The following STK38L variants were observed in gnomAD, a reference collection of about 807,000 sequenced individuals.
The protein encoded by STK38L is serine/threonine-protein kinase 38-like.
In STK38L, 28 loss-of-function variants were observed where a neutral mutation model predicts 59.7. That is an observed-to-expected ratio of 0.47 (90% CI 0.35 to 0.64). The LOEUF is 0.64. Ranked by LOEUF, STK38L falls within the 30% of genes least tolerant of loss-of-function variation. The pLI, the probability that STK38L is intolerant of heterozygous loss-of-function variation, is 0.01. For missense variants in STK38L, 314 were observed against 555.8 expected (o/e 0.56, Z 4.37); for synonymous variants, 162 against 176.8 (o/e 0.92, Z 0.66).
intron 1 of STK38L, chr12:27,293,660 A>G (rs186508814): frequency 2.6e-5 from 4 of 152,416 alleles, no homozygotes; most frequent in Non-Finnish European, 4.4e-5. Flanking sequence ...CCCTTGGCAG[A>G]CAGTCAGCTC....
intron 9 of STK38L, 63 bp downstream of exon 9, chr12:27,315,413 C>G: frequency 7.5e-7 from 1 of 1,326,028 alleles, no homozygotes; most frequent in Non-Finnish European, 1.1e-6. Flanking sequence ...CTGGTTTTAA[C>G]TTGATTATTT....
intron 1 of STK38L, among the ~76,000 whole-genome samples, chr12:27,265,669 C>T (rs1481292221): frequency 6.6e-6 from 1 of 152,096 alleles, no homozygotes; most frequent in Admixed American, 6.5e-5. Context: ...TTCTGATTGC[C>T]TGTGTATCCA....
At chr12:27,303,020 A>G (rs1944216487) in intron 3 of STK38L, among the ~76,000 whole-genome samples, 1 of 151,314 alleles carries the variant, frequency 6.6e-6, no homozygotes, top group Non-Finnish European at 1.5e-5. Flanking sequence ...CTTAAAAAAA[A>G]AAAAAAAAAA....
chr12:27,260,823 T>A, intron 1 of STK38L, among the ~76,000 whole-genome samples: 1 of 152,182 alleles, frequency 6.6e-6, no homozygotes, highest in South Asian at 2.1e-4. Context: ...GTCATTTGTA[T>A]TTTTATACGG....
chr12:27,249,110 G>T (rs1942918657), intron 1 of STK38L, among the ~76,000 whole-genome samples: 1 of 152,116 alleles, frequency 6.6e-6, no homozygotes, highest in African/African-American at 2.4e-5. Flanking sequence ...AAGTTTTGGG[G>T]GCATCTTTTC....
At chr12:27,244,697 C>T (rs983640011) in intron 1 of STK38L, among the ~76,000 whole-genome samples, 1 of 152,208 alleles carries the variant, frequency 6.6e-6, no homozygotes, top group Non-Finnish European at 1.5e-5. Context: ...GCGCTCCCGT[C>T]CCGTGCCCTC....
At chr12:27,294,265 A>C (rs914105350) in intron 1 of STK38L, among the ~76,000 whole-genome samples, 1 of 151,794 alleles carries the variant, frequency 6.6e-6, no homozygotes, top group Admixed American at 6.6e-5. Context: ...TGTACCTGTA[A>C]TCCCAGCACT....
chr12:27,250,011 C>T (rs1439398580), intron 1 of STK38L, among the ~76,000 whole-genome samples: 1 of 152,134 alleles, frequency 6.6e-6, no homozygotes, highest in Non-Finnish European at 1.5e-5. Flanking sequence ...TACAGATACA[C>T]CCAGAATAAA....
intron 1 of STK38L, among the ~76,000 whole-genome samples, chr12:27,270,419 C>G (rs1943399257): frequency 6.6e-6 from 1 of 152,062 alleles, no homozygotes; most frequent in African/African-American, 2.4e-5. Context: ...CTCTGTGCAT[C>G]CAGGCTGGAG....
At chr12:27,281,593 A>G (rs1305833201) in intron 1 of STK38L, among the ~76,000 whole-genome samples, 1 of 152,208 alleles carries the variant, frequency 6.6e-6, no homozygotes, top group Non-Finnish European at 1.5e-5. Flanking sequence ...AGATTACATA[A>G]GATAATGCAC....
At chr12:27,269,734 CT>C (rs1943379307) in intron 1 of STK38L, among the ~76,000 whole-genome samples, 1 of 152,146 alleles carries the variant, frequency 6.6e-6, no homozygotes, top group African/African-American at 2.4e-5. Flanking sequence ...CCTTTGCCTC[CT>C]GGGTTCAAGT....
intron 3 of STK38L, among the ~76,000 whole-genome samples, chr12:27,306,714 AACACACACACACACACACAC>A (rs10553623): frequency 7.2e-6 from 1 of 139,082 alleles, no homozygotes; most frequent in Non-Finnish European, 1.5e-5. Flanking sequence ...GAATTTTATA[AACACACACACACACACACAC>A]ACACACACAC....
intron 1 of STK38L, among the ~76,000 whole-genome samples, chr12:27,290,476 T>C (rs936171106): frequency 6.6e-6 from 1 of 152,208 alleles, no homozygotes; most frequent in Non-Finnish European, 1.5e-5. Context: ...TTTCTTAAAC[T>C]AGCCTTAAAC....
At chr12:27,280,628 A>G (rs918491266) in intron 1 of STK38L, among the ~76,000 whole-genome samples, 4 of 152,212 alleles carry the variant, frequency 2.6e-5, no homozygotes, top group African/African-American at 9.6e-5. Flanking sequence ...CATCTTCGCC[A>G]GGATGACATG....
chr12:27,304,478 G>A (rs1179631390), intron 3 of STK38L, among the ~76,000 whole-genome samples: 1 of 151,830 alleles, frequency 6.6e-6, no homozygotes, highest in Non-Finnish European at 1.5e-5. Context: ...AAACTCAGAT[G>A]TTTTTACATT....
chr12:27,323,748 G>C lies in STK38L; in HGVS notation c.*1293G>C, dbSNP rs1055076951. 16 of 152,448 alleles carry C rather than the reference G, an allele frequency of 1.0e-4. No individual in the cohort carries two copies. The highest frequency in any genetic ancestry group is 3.9e-4 in the African/African-American group (16 of 41,428). The allele number at this position is 152,448 out of a possible 1,614,324, so 9.4% of individuals were successfully genotyped here. On this transcript the variant is annotated 3_prime_UTR_variant, in exon 14 of 14. Transcript: ENST00000389032. ...GCCAGGGGGTTGTGATGAGAGGATA[G>C]GGGAGATAATATCAGCATCAAATTC...
chr12:27,257,540 C>T (rs116129352), intron 1 of STK38L, among the ~76,000 whole-genome samples: 1,854 of 152,278 alleles, frequency 0.012, 38 homozygotes, highest in African/African-American at 0.042. Flanking sequence ...TGGGTATCCC[C>T]GGCCCTTTTC....
At chr12:27,274,698 T>A (rs1436320835) in intron 1 of STK38L, among the ~76,000 whole-genome samples, 3 of 152,254 alleles carry the variant, frequency 2.0e-5, no homozygotes, top group Non-Finnish European at 4.4e-5. Context: ...GCTGCAGTTT[T>A]TATGTTATCT....
Position 27,317,976 on chromosome 12 carries a change from C to T in STK38L, c.1036C>T (p.Pro346Ser). ...MNWKETLVFP[P>S]EVPISEKAKD... ...CTGGAAAGAAACTCTGGTATTTCCT[C>T]CAGAGGTACCTATATCTGAGAAAGC... Residue 346 changes from proline (P) to serine (S), a missense_variant, in exon 11 of 14, where the codon CCA (proline) becomes TCA (serine). Pro to Ser is a moderately conservative substitution (Grantham distance 74, BLOSUM62 -1). This residue lies in a region of STK38L where 94 missense variants were observed against 142.2 expected (regional missense o/e 0.66). Transcript: ENST00000389032. The T allele has an allele frequency of 1.2e-6, 2 of 1,613,918 alleles. No individual in the cohort carries two copies. The highest frequency in any genetic ancestry group is 1.7e-6 in the Non-Finnish European group (2 of 1,179,918).
Sources: gnomAD v4.1 joint callset for allele counts (sites outside exome capture counted in the v4.1 genomes callset) on GRCh38, gnomAD v4.1.1 for gene constraint, gnomAD v4.1.1 regional missense constraint, MANE v1.5 for transcripts, NCBI Gene and HGNC (gene_info 2026-07-23, HGNC 2026-07-21) for gene names.